Variants in MTSS1 observed in about 807,000 individuals in gnomAD.
MTSS1 encodes MTSS I-BAR domain containing 1.
In MTSS1, 18 loss-of-function variants were observed where a neutral mutation model predicts 79.0. That is an observed-to-expected ratio of 0.23 (90% CI 0.16 to 0.34). The LOEUF (loss-of-function observed/expected upper bound fraction) is 0.34, where lower values mean the gene tolerates loss of function less well. Among genes scored for constraint, MTSS1 ranks in the 10% least tolerant of loss-of-function variants. The probability of loss-of-function intolerance (pLI) is 1.00; values close to 1 mark genes in which losing one functional copy is unlikely to be tolerated. For synonymous variants in MTSS1, 341 were observed against 368.6 expected (o/e 0.93, Z 0.86); for missense variants, 815 against 986.2 (o/e 0.83, Z 2.33).
chr8:124,704,062 G>C (rs1220140250), intron 2 of MTSS1, 68 bp downstream of exon 2: 2 of 1,386,862 alleles, frequency 1.4e-6, no homozygotes, highest in Non-Finnish European at 2.1e-6. Context: ...TCTGCATTTT[G>C]GTCTGTCCCA....
At position 124,710,270 on chromosome 8, in the gene MTSS1, T is replaced by G. The variant is rs1424205311; in HGVS notation, c.73-6079A>C. On this transcript the variant is annotated intron_variant, in intron 1 of 13. Transcript: ENST00000518547. ...TCATTCAGACAGTGAGTGACATAAA[T>G]TCCAGACCAGACAGGTGATGGGAGA... Among the ~76,000 whole-genome samples, 4 of 152,192 alleles carry G rather than the reference T, an allele frequency of 2.6e-5. No homozygotes were observed. The South Asian group carries it at 8.3e-4, about 32-fold the overall frequency.
intron 3 of MTSS1, among the ~76,000 whole-genome samples, chr8:124,622,314 T>G: frequency 6.9e-6 from 1 of 145,492 alleles, no homozygotes; most frequent in African/African-American, 2.6e-5. Context: ...GGAGCAGGGG[T>G]GGGGGAGGTG....
intron 3 of MTSS1, among the ~76,000 whole-genome samples, chr8:124,693,900 CA>C (rs1254087644): frequency 2.7e-5 from 4 of 150,444 alleles, no homozygotes; most frequent in South Asian, 2.1e-4. Flanking sequence ...ATATTAGAGC[CA>C]AAAAAAAATT....
At chr8:124,587,884 C>T (rs1831152908) in intron 5 of MTSS1, among the ~76,000 whole-genome samples, 1 of 152,212 alleles carries the variant, frequency 6.6e-6, no homozygotes, top group African/African-American at 2.4e-5. Flanking sequence ...AATAAGCCAT[C>T]ACCCTCCCTG....
chr8:124,594,712 C>G (rs374221471), intron 3 of MTSS1, among the ~76,000 whole-genome samples: 1 of 152,172 alleles, frequency 6.6e-6, no homozygotes, highest in Non-Finnish European at 1.5e-5. Flanking sequence ...CCAACTGGCA[C>G]GAAGACAGGA....
intron 3 of MTSS1, among the ~76,000 whole-genome samples, chr8:124,649,329 A>C (rs1259549950): frequency 6.6e-6 from 1 of 152,186 alleles, no homozygotes; most frequent in African/African-American, 2.4e-5. Context: ...AAAGCATGGA[A>C]ACCTCTAAGG....
At chr8:124,679,921 T>G (rs1373233318) in intron 3 of MTSS1, among the ~76,000 whole-genome samples, 2 of 152,234 alleles carry the variant, frequency 1.3e-5, no homozygotes, top group Non-Finnish European at 2.9e-5. Context: ...ATTATTCTCA[T>G]GTACCCACTA....
intron 3 of MTSS1, among the ~76,000 whole-genome samples, chr8:124,686,161 C>A (rs1175359241): frequency 6.6e-6 from 1 of 152,206 alleles, no homozygotes; most frequent in Non-Finnish European, 1.5e-5. Flanking sequence ...GCTGTACTGA[C>A]CCACCCAGGG....
chr8:124,698,573 G>A (rs1355227533), intron 3 of MTSS1, among the ~76,000 whole-genome samples: 10 of 149,136 alleles, frequency 6.7e-5, no homozygotes, highest in South Asian at 2.1e-4. Context: ...GTGCAGTGGC[G>A]CGATCTGGGC....
chr8:124,625,993 T>C (rs144264450), intron 3 of MTSS1, among the ~76,000 whole-genome samples: 3,672 of 145,422 alleles, frequency 0.025, 63 homozygotes, highest in South Asian at 0.055. Flanking sequence ...ACACCTACTA[T>C]ACGCAGCAGG....
At chr8:124,623,104 T>C (rs1426283047) in intron 3 of MTSS1, among the ~76,000 whole-genome samples, 1 of 152,230 alleles carries the variant, frequency 6.6e-6, no homozygotes, top group Non-Finnish European at 1.5e-5. Flanking sequence ...CAAAGAACTG[T>C]CTTGACTGAA....
intron 3 of MTSS1, among the ~76,000 whole-genome samples, chr8:124,686,045 A>G (rs1826914053): frequency 6.6e-6 from 1 of 152,200 alleles, no homozygotes; most frequent in South Asian, 2.1e-4. Context: ...CAATTTATAA[A>G]ATGCTTTCAC....
intron 3 of MTSS1, among the ~76,000 whole-genome samples, chr8:124,670,220 A>G (rs1324072359): frequency 2.6e-5 from 4 of 152,190 alleles, no homozygotes; most frequent in South Asian, 2.1e-4. Context: ...TCCTGAGGTT[A>G]TATTTGAGCT....
rs915021157 is a variant in MTSS1 at position 124,553,083 on chromosome 8, G to A, written c.2177C>T (p.Pro726Leu). The A allele has an allele frequency of 1.9e-6, 3 of 1,613,966 alleles. No homozygotes were observed. In the Admixed American group the frequency reaches 5.0e-5, roughly 27 times the overall value. The change falls in exon 14 of 14, where the codon CCA becomes CTA. Residue 726 changes from proline (P) to leucine (L), a missense_variant. Pro to Leu is a moderately conservative substitution (Grantham distance 98). Around this residue, in one of 2 missense-constraint regions of MTSS1, gnomAD observed 590 missense variants for 620.8 expected, o/e 0.95. Transcript: ENST00000518547. The surrounding 1 kb of genome is among the most constrained non-coding windows in gnomAD (Gnocchi z 6.0). ...GGCGTTCAGCATGTCTTCTCCTTGTGGAGTATCCCTTGGGCTCAGGTCTGC... is the reference window on the plus strand; with the variant it reads ...GGCGTTCAGCATGTCTTCTCCTTGTAGAGTATCCCTTGGGCTCAGGTCTGC... Reference protein sequence around the residue: ...DPADLSPRDTPQGEDMLNAIR... With the variant: ...DPADLSPRDTLQGEDMLNAIR...
chr8:124,598,430 G>A (rs184325705), intron 3 of MTSS1, among the ~76,000 whole-genome samples: 1 of 152,092 alleles, frequency 6.6e-6, no homozygotes, highest in African/African-American at 2.4e-5. Flanking sequence ...TGTCCCCAGG[G>A]GGCAAACTCG....
chr8:124,637,631 C>CAGGA (rs60988602), intron 3 of MTSS1, among the ~76,000 whole-genome samples: 15,994 of 152,094 alleles, frequency 0.11, 1,081 homozygotes, highest in African/African-American at 0.19. Flanking sequence ...CTGGGGCCTA[C>CAGGA]AGGAAACAGG....
intron 3 of MTSS1, among the ~76,000 whole-genome samples, chr8:124,639,194 G>A (rs763212328): frequency 1.4e-4 from 22 of 151,960 alleles, no homozygotes; most frequent in Non-Finnish European, 2.9e-4. Context: ...AAAATTAGCC[G>A]GGCTTTGGTG....
chr8:124,608,383 A>T (rs542467349), intron 3 of MTSS1, among the ~76,000 whole-genome samples: 2 of 152,236 alleles, frequency 1.3e-5, no homozygotes, highest in Non-Finnish European at 1.5e-5. Flanking sequence ...CACATGTCCC[A>T]TGGATGAGCA....
chr8:124,567,538 A>G (rs1365601503), intron 7 of MTSS1: 3 of 1,221,720 alleles, frequency 2.5e-6, no homozygotes, highest in Admixed American at 6.3e-5. Context: ...GAAGTTGCTT[A>G]GCTTCAATGG....
Sources: allele counts gnomAD v4.1 joint callset (sites outside exome capture counted in the v4.1 genomes callset), GRCh38; gene constraint gnomAD v4.1.1; regional missense constraint gnomAD v4.1.1; non-coding constraint Gnocchi (gnomAD v3.1); transcripts MANE v1.5; gene names NCBI Gene and HGNC (gene_info 2026-07-23, HGNC 2026-07-21).